Variants in NEIL3 observed in about 807,000 individuals in gnomAD.
NEIL3 encodes endonuclease 8-like 3.
NEIL3 carries 48 observed loss-of-function variants against 57.5 expected under a neutral mutation model. That is an observed-to-expected ratio of 0.83 (90% CI 0.66 to 1.06). NEIL3 has a LOEUF of 1.06. NEIL3 is among the 50% of genes least tolerant of loss of function. The pLI is 0.00. For synonymous variants in NEIL3, 261 were observed against 253.2 expected (o/e 1.03, Z -0.29); for missense variants, 717 against 739.1 (o/e 0.97, Z 0.35).
chr4:177,335,825 A>G lies in NEIL3; in HGVS notation c.413+3A>G. 6.6e-7 allele frequency: 1 copy of G among 1,504,114 alleles called. No individual in the cohort carries two copies. Among genetic ancestry groups the G allele is most frequent in the Non-Finnish European group, 8.8e-7 (1 of 1,131,674 alleles). 93.2% of individuals were successfully genotyped at this position (1,504,114 alleles called of 1,614,324 possible). ...TTTGACTCATCAGTAGAACTCAGGT[A>G]AAAAAAATTAAATAAAAGTACTTAC... On this transcript the variant is annotated splice_donor_region_variant and intron_variant, in intron 3 of 9. Coordinates refer to ENST00000264596, the MANE Select transcript of NEIL3 (RefSeq NM_018248.3).
chr4:177,317,602 T>TC (rs1436673588), intron 1 of NEIL3, among the ~76,000 whole-genome samples: 21 of 129,380 alleles, frequency 1.6e-4, no homozygotes, highest in African/African-American at 6.0e-4. Flanking sequence ...CTTTTCTTTT[T>TC]TTTTTTTTTT....
chr4:177,338,348 C>T (rs1291759325), intron 4 of NEIL3, among the ~76,000 whole-genome samples: 2 of 152,138 alleles, frequency 1.3e-5, no homozygotes, highest in African/African-American at 2.4e-5. Flanking sequence ...AGTTGCAGTA[C>T]TCCTGCCTAT....
At chr4:177,364,234 G>C (rs1298499040), downstream of NEIL3, among the ~76,000 whole-genome samples, 4 of 152,278 alleles carry the variant, frequency 2.6e-5, no homozygotes, top group African/African-American at 9.6e-5. Flanking sequence ...GTCCTGGTGA[G>C]CTCCAGCTGA....
chr4:177,337,175 G>T (rs1734995702), intron 4 of NEIL3, among the ~76,000 whole-genome samples: 4 of 152,098 alleles, frequency 2.6e-5, no homozygotes, highest in African/African-American at 9.7e-5. Context: ...TTCTAAGAGG[G>T]TAAGAGAGGT....
rs1262043356 is a variant in NEIL3, at chr4:177,310,080, G to T, written c.127G>T (p.Ala43Ser). Reference sequence around the variant, plus strand: ...TCTGCAGGGCCGCGCCTTGCGGCTCGCAGCCTCCACGGTTGTGGTCTCCCC... The same window carrying T: ...TCTGCAGGGCCGCGCCTTGCGGCTCTCAGCCTCCACGGTTGTGGTCTCCCC... The part of the protein sequence containing the change: ...RSLQGRALRL[A>S]ASTVVVSPQA... Residue 43 changes from alanine to serine, a missense_variant, in exon 1 of 10, where the codon GCA becomes TCA. Physicochemically the swap from Ala to Ser is moderately conservative, Grantham distance 99. Transcript: ENST00000264596. 4 of 1,595,616 alleles carry T rather than the reference G, an allele frequency of 2.5e-6. No homozygotes were observed. Among genetic ancestry groups the T allele is most frequent in the Admixed American group, 3.5e-5 (2 of 57,586 alleles).
chr4:177,348,197 G>C (rs549527180), intron 6 of NEIL3, among the ~76,000 whole-genome samples: 4 of 152,204 alleles, frequency 2.6e-5, no homozygotes, highest in Non-Finnish European at 5.9e-5. Flanking sequence ...TGGGGATTCA[G>C]TGGGTCTGAG....
rs147298000 is a variant in NEIL3, at chr4:177,355,931, A to T, written c.1460+2203A>T. 4.4e-3 allele frequency among the ~76,000 whole-genome samples: 677 copies of T among 152,256 alleles called. 5 individuals are homozygous for T. Among genetic ancestry groups the T allele is most frequent in the Middle Eastern group, 0.017 (5 of 294 alleles). ...GTTTAACTTTTGTTCATATACTCAC[A>T]TTTGAAGTAAGCTAAGGGGGCTAAA... On this transcript the variant is annotated intron_variant, in intron 8 of 9. Transcript: ENST00000264596.
chr4:177,358,763 C>T (rs1339171034), intron 8 of NEIL3, among the ~76,000 whole-genome samples: 1 of 152,102 alleles, frequency 6.6e-6, no homozygotes, highest in Admixed American at 6.5e-5. Flanking sequence ...GAATCTAAAC[C>T]TCTCCCTGGA....
At chr4:177,328,728 C>T (rs1001469534) in intron 2 of NEIL3, among the ~76,000 whole-genome samples, 1 of 151,992 alleles carries the variant, frequency 6.6e-6, no homozygotes, top group African/African-American at 2.4e-5. Flanking sequence ...ATCTGAACTA[C>T]AGAAAGAAAA....
chr4:177,318,781 G>A (rs1458265138), intron 1 of NEIL3, among the ~76,000 whole-genome samples: 1 of 152,054 alleles, frequency 6.6e-6, no homozygotes, highest in Non-Finnish European at 1.5e-5. Context: ...CTAACATACT[G>A]TGTTATTGTG....
intron 1 of NEIL3, 39 bp downstream of exon 1, chr4:177,310,148 G>C (rs1235632514): frequency 6.6e-7 from 1 of 1,504,534 alleles, no homozygotes; most frequent in African/African-American, 1.5e-5. Context: ...GTCAGCAGGG[G>C]GGAAATGGAA....
chr4:177,311,674 CA>C (rs763838033), intron 1 of NEIL3, among the ~76,000 whole-genome samples: 11,998 of 58,640 alleles, frequency 0.2, 768 homozygotes, highest in African/African-American at 0.37. Flanking sequence ...AACTCTGTCT[CA>C]AAAAAAAAAA....
chr4:177,335,803 G>T lies in NEIL3; in HGVS notation c.394G>T (p.Asp132Tyr). The change falls in exon 3 of 10, where the codon GAC (aspartate) becomes TAC (tyrosine). Residue 132 changes from aspartate to tyrosine, a missense_variant. Asp to Tyr is a radical substitution (Grantham distance 160). Transcript: ENST00000264596. ...CACCAAAGATTTGATTTGTTTCTTTGACTCATCAGTAGAACTCAGGTAAAA... is the reference window on the plus strand; with the variant it reads ...CACCAAAGATTTGATTTGTTTCTTTTACTCATCAGTAGAACTCAGGTAAAA... ...QLTKDLICFF[D>Y]SSVELRNSME... 6.4e-7 allele frequency: 1 copy of T among 1,571,462 alleles called. No homozygotes were observed. Among genetic ancestry groups the T allele is most frequent in the Non-Finnish European group, 8.6e-7 (1 of 1,163,362 alleles).
chr4:177,320,036 A>G (rs1223408834), intron 1 of NEIL3, among the ~76,000 whole-genome samples: 1 of 152,170 alleles, frequency 6.6e-6, no homozygotes, highest in African/African-American at 2.4e-5. Flanking sequence ...ATCTATATTG[A>G]GACAAAGATC....
chr4:177,311,951 T>C (rs1319618468), intron 1 of NEIL3, among the ~76,000 whole-genome samples: 2 of 152,186 alleles, frequency 1.3e-5, no homozygotes, highest in African/African-American at 4.8e-5. Context: ...CAACGTATTT[T>C]GTGTTAGGTT....
At chr4:177,359,848 C>A (rs1444400472) in intron 8 of NEIL3, among the ~76,000 whole-genome samples, 2 of 152,218 alleles carry the variant, frequency 1.3e-5, no homozygotes, top group African/African-American at 4.8e-5. Flanking sequence ...ATGAGGGCAA[C>A]CTCCAAATAC....
At chr4:177,311,022 TTTTG>T (rs1435443442) in intron 1 of NEIL3, among the ~76,000 whole-genome samples, 1 of 152,208 alleles carries the variant, frequency 6.6e-6, no homozygotes, top group Non-Finnish European at 1.5e-5. Context: ...CCAATTGCCC[TTTTG>T]TTTATTTTGA....
intron 8 of NEIL3, among the ~76,000 whole-genome samples, chr4:177,355,448 A>G (rs1220347897): frequency 6.6e-6 from 1 of 152,226 alleles, no homozygotes; most frequent in African/African-American, 2.4e-5. Context: ...ACTGAATTCA[A>G]TATAAAGGCT....
chr4:177,368,543 A>C, the NEIL3 span, among the ~76,000 whole-genome samples: 1 of 152,230 alleles, frequency 6.6e-6, no homozygotes, highest in Non-Finnish European at 1.5e-5. Context: ...TCACTTGCTT[A>C]AGAAATTATA....
Sources: gnomAD v4.1 joint callset for allele counts (sites outside exome capture counted in the v4.1 genomes callset) on GRCh38, gnomAD v4.1.1 for gene constraint, MANE v1.5 for transcripts, NCBI Gene and HGNC (gene_info 2026-07-23, HGNC 2026-07-21) for gene names.